The following BRINP3 variants were observed in gnomAD, a reference collection of about 807,000 sequenced individuals.
The protein encoded by BRINP3 is BMP/retinoic acid inducible neural specific 3.
A neutral mutation model predicts 71.0 loss-of-function variants in BRINP3; 19 were observed. The ratio of observed to expected loss-of-function variants is 0.27; its 90% CI spans 0.19 to 0.39. BRINP3 has a LOEUF of 0.39. Among genes scored for constraint, BRINP3 ranks in the 10% least tolerant of loss-of-function variants. BRINP3 has a pLI of 1.00. For missense variants in BRINP3, 959 were observed against 940.8 expected (o/e 1.02, Z -0.25); for synonymous variants, 380 against 337.7 (o/e 1.13, Z -1.37).
chr1:190,210,310 T>C (rs1438971936), intron 6 of BRINP3, among the ~76,000 whole-genome samples: 1 of 152,094 alleles, frequency 6.6e-6, no homozygotes, highest in Non-Finnish European at 1.5e-5. Context: ...TTTATTGATA[T>C]CTCTTCACTA....
chr1:190,402,390 TA>T (rs1470907339), intron 2 of BRINP3, among the ~76,000 whole-genome samples: 1 of 152,216 alleles, frequency 6.6e-6, no homozygotes, highest in Non-Finnish European at 1.5e-5. Context: ...CTCCTTATTG[TA>T]AATTAAAATT....
At chr1:190,257,703 T>A (rs1393876451) in intron 4 of BRINP3, among the ~76,000 whole-genome samples, 4 of 152,226 alleles carry the variant, frequency 2.6e-5, no homozygotes, top group African/African-American at 9.6e-5. Context: ...TATTCCTTTC[T>A]GTTTGTTAGT....
At chr1:190,184,245 G>A (rs1653302955) in intron 6 of BRINP3, among the ~76,000 whole-genome samples, 1 of 152,088 alleles carries the variant, frequency 6.6e-6, no homozygotes, top group South Asian at 2.1e-4. Context: ...AGGCTGACAA[G>A]GATATGGAGA....
chr1:190,269,413 A>G (rs1233164538), intron 3 of BRINP3, among the ~76,000 whole-genome samples: 1 of 152,148 alleles, frequency 6.6e-6, no homozygotes, highest in Non-Finnish European at 1.5e-5. Context: ...TAAAACATTC[A>G]TGAATTAGAA....
intron 2 of BRINP3, among the ~76,000 whole-genome samples, chr1:190,423,743 C>T (rs1673527085): frequency 6.6e-6 from 1 of 151,712 alleles, no homozygotes; most frequent in South Asian, 2.1e-4. Context: ...AACTCCTCCA[C>T]CCCCTACCCT....
At chr1:190,141,584 C>T (rs1440958170) in intron 7 of BRINP3, among the ~76,000 whole-genome samples, 1 of 88,846 alleles carries the variant, frequency 1.1e-5, no homozygotes, top group African/African-American at 4.5e-5. Context: ...TTTTTTGAGA[C>T]AGAGTCTTGC....
intron 2 of BRINP3, among the ~76,000 whole-genome samples, chr1:190,409,248 T>G (rs1187929824): frequency 6.6e-6 from 1 of 151,978 alleles, no homozygotes. Flanking sequence ...AAAATAATAA[T>G]AGTAAATAAA....
At chr1:190,325,618 C>T (rs909173820) in intron 2 of BRINP3, among the ~76,000 whole-genome samples, 38 of 151,922 alleles carry the variant, frequency 2.5e-4, no homozygotes, top group Admixed American at 9.9e-4. Context: ...CTGGACCACT[C>T]GATAAGGTTG....
rs148041865 is a variant in BRINP3 at position 190,393,987 on chromosome 1, A to G, written c.236+60668T>C. On this transcript the variant is annotated intron_variant, in intron 2 of 7. Coordinates refer to ENST00000367462, the MANE Select transcript of BRINP3 (RefSeq NM_199051.3). ...GCCTGAAAACTATTTAACTTGAGAA[A>G]TTACAAACTTCCAAGTATTTCATTA... Among the ~76,000 whole-genome samples the G allele has an allele frequency of 3.5e-3, 524 of 151,754 alleles. 4 individuals are homozygous for G. The highest frequency in any genetic ancestry group is 0.012 in the African/African-American group (484 of 41,510).
intron 6 of BRINP3, among the ~76,000 whole-genome samples, chr1:190,196,239 C>G (rs1181871793): frequency 6.6e-6 from 1 of 152,114 alleles, no homozygotes; most frequent in Non-Finnish European, 1.5e-5. Flanking sequence ...ATTCCACTCA[C>G]CTACCAATAG....
chr1:190,440,557 A>T (rs1003039784), intron 2 of BRINP3, among the ~76,000 whole-genome samples: 4 of 152,030 alleles, frequency 2.6e-5, no homozygotes, highest in Admixed American at 6.5e-5. Context: ...AGTGAGAAAT[A>T]AACTTAGAGA....
chr1:190,100,224 A>G (rs946677585), intron 7 of BRINP3, among the ~76,000 whole-genome samples: 2 of 152,152 alleles, frequency 1.3e-5, no homozygotes, highest in Non-Finnish European at 2.9e-5. Context: ...CATTTTTGGT[A>G]TTCTTATGCT....
chr1:190,280,659 C>A (rs560626372), intron 3 of BRINP3, among the ~76,000 whole-genome samples: 2 of 151,874 alleles, frequency 1.3e-5, no homozygotes, highest in East Asian at 1.9e-4. Flanking sequence ...ACCATTGCTG[C>A]GAATCAGTCC....
chr1:190,271,834 A>G (rs1662138186), intron 3 of BRINP3, among the ~76,000 whole-genome samples: 1 of 151,580 alleles, frequency 6.6e-6, no homozygotes, highest in South Asian at 2.1e-4. Flanking sequence ...AAATAGCTGG[A>G]GCACATGCTC....
chr1:190,300,130 T>C (rs1333958888), intron 2 of BRINP3, among the ~76,000 whole-genome samples: 1 of 152,192 alleles, frequency 6.6e-6, no homozygotes, highest in Non-Finnish European at 1.5e-5. Context: ...TCCTGGATAA[T>C]ATCCTGCAGA....
At chr1:190,189,462 T>C (rs1340187178) in intron 6 of BRINP3, among the ~76,000 whole-genome samples, 1 of 152,062 alleles carries the variant, frequency 6.6e-6, no homozygotes, top group Non-Finnish European at 1.5e-5. Context: ...TATTTTTTCT[T>C]TTTCTCCTCT....
At chr1:190,473,301 A>G (rs934710873) in intron 1 of BRINP3, among the ~76,000 whole-genome samples, 8 of 152,022 alleles carry the variant, frequency 5.3e-5, no homozygotes, top group African/African-American at 1.9e-4. Flanking sequence ...GCATCCAACT[A>G]AGAAAAGCAC....
At chr1:190,334,648 G>A (rs1389186879) in intron 2 of BRINP3, among the ~76,000 whole-genome samples, 1 of 151,666 alleles carries the variant, frequency 6.6e-6, no homozygotes, top group Non-Finnish European at 1.5e-5. Flanking sequence ...TAGTTTCTAA[G>A]GTAAATTATA....
intron 2 of BRINP3, chr1:190,362,198 T>C (rs544205366): frequency 6.6e-6 from 1 of 152,262 alleles, no homozygotes; most frequent in Non-Finnish European, 1.5e-5. Flanking sequence ...AAGTCTATTG[T>C]TTAAGCCACC....
Sources: allele counts gnomAD v4.1 joint callset (sites outside exome capture counted in the v4.1 genomes callset), GRCh38; gene constraint gnomAD v4.1.1; transcripts MANE v1.5; gene names NCBI Gene and HGNC (gene_info 2026-07-23, HGNC 2026-07-21).